Variants in NEBL observed in about 807,000 individuals in gnomAD.
The protein encoded by NEBL is nebulette.
A neutral mutation model predicts 140.2 loss-of-function variants in NEBL; 122 were observed. The observed-to-expected ratio is 0.87, with a 90% CI of 0.75 to 1.01. NEBL has a LOEUF of 1.01. NEBL is among the 50% of genes least tolerant of loss of function. NEBL has a pLI of 0.00. For synonymous variants in NEBL, 436 were observed against 398.9 expected (o/e 1.09, Z -1.11); for missense variants, 1,365 against 1,231.3 (o/e 1.11, Z -1.62).
At chr10:21,211,284 G>T (rs1306309238) in intron 3 of NEBL, among the ~76,000 whole-genome samples, 1 of 151,836 alleles carries the variant, frequency 6.6e-6, no homozygotes, top group Non-Finnish European at 1.5e-5. Flanking sequence ...CTTGAGACTA[G>T]CCTGGGCAAC....
intron 2 of NEBL, among the ~76,000 whole-genome samples, chr10:21,090,788 C>T (rs1462467760): frequency 2.6e-5 from 4 of 152,134 alleles, no homozygotes; most frequent in African/African-American, 4.8e-5. Context: ...CACAGCTCAT[C>T]GTTGCTGGCC....
At chr10:20,906,454 GTTTAAC>G (rs2131447621) in intron 4 of NEBL, among the ~76,000 whole-genome samples, 2 of 152,108 alleles carry the variant, frequency 1.3e-5, no homozygotes, top group African/African-American at 4.8e-5. Flanking sequence ...GCTTTTCCAT[GTTTAAC>G]TTAAACTATA....
chr10:21,001,201 C>G (rs766463989), intron 3 of NEBL, among the ~76,000 whole-genome samples: 1 of 152,106 alleles, frequency 6.6e-6, no homozygotes, highest in Non-Finnish European at 1.5e-5. Context: ...GCCGACAGAC[C>G]GCCAGAGACA....
At chr10:21,126,937 T>C (rs1411928970) in intron 2 of NEBL, among the ~76,000 whole-genome samples, 1 of 128,094 alleles carries the variant, frequency 7.8e-6, no homozygotes, top group Non-Finnish European at 1.5e-5. Flanking sequence ...ATCGAGCCAC[T>C]ACACTCCAGC....
chr10:21,121,615 T>A (rs1276085413), intron 2 of NEBL, among the ~76,000 whole-genome samples: 1 of 152,190 alleles, frequency 6.6e-6, no homozygotes, highest in Non-Finnish European at 1.5e-5. Flanking sequence ...TAGAAAATCC[T>A]AATCTTAGAA....
Position 21,185,664 on chromosome 10 carries a change from T to C in NEBL, n.349-13187A>G, listed in dbSNP as rs557068977. ...CAGGCATGCCACCACACCTGGCTAATTTTTGTATTTTTAGTAGAGACGGGG... is the reference window on the plus strand; with the variant it reads ...CAGGCATGCCACCACACCTGGCTAACTTTTGTATTTTTAGTAGAGACGGGG... On this transcript the variant is annotated intron_variant and non_coding_transcript_variant, in intron 3 of 8. Coordinates refer to the NEBL transcript ENST00000675702. Among the ~76,000 whole-genome samples the C allele has an allele frequency of 5.9e-5, 9 of 151,848 alleles. 1 individual carries two copies. In the East Asian group the frequency reaches 1.7e-3, roughly 29 times the overall value.
At chr10:21,139,987 CAAAAAA>C (rs11289396) in intron 2 of NEBL, among the ~76,000 whole-genome samples, 4 of 99,690 alleles carry the variant, frequency 4.0e-5, no homozygotes, top group South Asian at 6.4e-4. Flanking sequence ...CCTGTCTCAA[CAAAAAA>C]AAAAAAAAAA....
chr10:21,010,419 AT>A (rs35635365), intron 3 of NEBL, among the ~76,000 whole-genome samples: 434 of 140,568 alleles, frequency 3.1e-3, no homozygotes, highest in Middle Eastern at 7.3e-3. Flanking sequence ...GAATTTTTTA[AT>A]TTTTTTTTTT....
chr10:21,194,850 CAG>C lies in NEBL; in HGVS notation n.349-22375_349-22374del, dbSNP rs367557603. ...CCTGCCGCAAAAAAATACTAATACACAGAGCTATGTAGTCAGATGTAATCTGA... is the reference window on the plus strand; with the variant it reads ...CCTGCCGCAAAAAAATACTAATACACAGCTATGTAGTCAGATGTAATCTGA... On this transcript the variant is annotated intron_variant and non_coding_transcript_variant, in intron 3 of 8. Coordinates refer to the NEBL transcript ENST00000675702. Among the ~76,000 whole-genome samples, 766 of 147,998 alleles carry C rather than the reference CAG, an allele frequency of 5.2e-3. 10 individuals carry two copies. Among genetic ancestry groups the C allele is most frequent in the African/African-American group, 0.017 (708 of 40,572 alleles).
In NEBL at chr10:21,173,609, G is replaced by A. The variant is rs905557962; in HGVS notation, c.69+156C>T. 6.6e-6 allele frequency among the ~76,000 whole-genome samples: 1 copy of A among 152,112 alleles called. No homozygotes were observed. The highest frequency in any genetic ancestry group is 6.5e-5 in the Admixed American group (1 of 15,278). On this transcript the variant is annotated intron_variant, in intron 1 of 6. Transcript: ENST00000417816. The surrounding 1 kb of genome is among the most constrained non-coding windows in gnomAD (Gnocchi z 5.7). ...GCCAAGCGTGGTCTCTGACACTCCC[G>A]CTGGCGTCTTCGTTCGCGCGCCCTC...
chr10:21,007,044 G>A (rs573986756), intron 3 of NEBL, among the ~76,000 whole-genome samples: 37 of 152,132 alleles, frequency 2.4e-4, no homozygotes, highest in African/African-American at 8.7e-4. Context: ...AGTCACTTTG[G>A]GGTTTCTTTC....
chr10:20,812,776 G>A lies in NEBL; in HGVS notation c.2511C>T (p.Ile837=). 1 of 1,613,926 alleles carries A rather than the reference G, an allele frequency of 6.2e-7. No individual in the cohort carries two copies. The highest frequency in any genetic ancestry group is 1.1e-5 in the South Asian group (1 of 91,084). Residue 837 remains isoleucine (I), a synonymous_variant, in exon 24 of 28, where the codon ATC becomes ATT. Coordinates refer to ENST00000377122, the MANE Select transcript of NEBL (RefSeq NM_006393.3). ...HIVEMDRRPG[I]IVDLKVWRTD... The stretch of plus-strand genomic sequence containing the variant: ...CAAACGCCGTCAGCTTACCAACAAT[G>A]ATTCCAGGTCTCCTGTCCATCTCCA...
At chr10:20,825,118 T>C (rs1281621276) in intron 18 of NEBL, among the ~76,000 whole-genome samples, 1 of 152,154 alleles carries the variant, frequency 6.6e-6, no homozygotes, top group Non-Finnish European at 1.5e-5. Context: ...AGACTTTTTA[T>C]GCTTTTATTT....
intron 1 of NEBL, among the ~76,000 whole-genome samples, chr10:21,272,180 T>A (rs778848972): frequency 6.9e-6 from 1 of 144,880 alleles, no homozygotes; most frequent in Non-Finnish European, 1.5e-5. Context: ...TTAGCCAGGA[T>A]GGTCTCGATC....
chr10:21,205,687 G>A (rs2132230970), intron 3 of NEBL, among the ~76,000 whole-genome samples: 2 of 152,114 alleles, frequency 1.3e-5, no homozygotes, highest in Middle Eastern at 6.8e-3. Flanking sequence ...CTAAATTTGG[G>A]TAGTAGAACA....
intron 3 of NEBL, among the ~76,000 whole-genome samples, chr10:21,198,696 C>T (rs1398276616): frequency 2.0e-5 from 3 of 152,172 alleles, no homozygotes; most frequent in African/African-American, 7.2e-5. Context: ...GTCTTCCATA[C>T]ATACCCCTCC....
intron 2 of NEBL, among the ~76,000 whole-genome samples, chr10:21,040,149 C>T (rs893818209): frequency 1.3e-5 from 2 of 152,228 alleles, no homozygotes; most frequent in East Asian, 1.9e-4. Context: ...AGGTGGATCA[C>T]GAGGTCAGGA....
intron 4 of NEBL, among the ~76,000 whole-genome samples, chr10:20,946,224 CAA>C (rs2131582577): frequency 6.6e-6 from 1 of 152,286 alleles, no homozygotes; most frequent in South Asian, 2.1e-4. Context: ...GTGTTTCCTC[CAA>C]AGTCTACATG....
At chr10:21,041,745 T>C (rs890909483) in intron 2 of NEBL, among the ~76,000 whole-genome samples, 1 of 152,174 alleles carries the variant, frequency 6.6e-6, no homozygotes, top group African/African-American at 2.4e-5. Flanking sequence ...CTGAGTATAC[T>C]TATAGTTATT....
Sources: gnomAD v4.1 joint callset for allele counts (sites outside exome capture counted in the v4.1 genomes callset) on GRCh38, gnomAD v4.1.1 for gene constraint, Gnocchi (gnomAD v3.1) non-coding constraint, MANE v1.5 for transcripts, NCBI Gene and HGNC (gene_info 2026-07-23, HGNC 2026-07-21) for gene names.